The following ANTXR1 variants were observed in gnomAD, a reference collection of about 807,000 sequenced individuals.
The protein encoded by ANTXR1 is ANTXR cell adhesion molecule 1, also known as anthrax toxin receptor 1.
Under a neutral mutation model 78.1 loss-of-function variants are expected in ANTXR1, and 19 were observed. That is an observed-to-expected ratio of 0.24 (90% CI 0.17 to 0.36). ANTXR1 has a LOEUF of 0.36. ANTXR1 is among the 10% of genes least tolerant of loss of function. The pLI, the probability that ANTXR1 is intolerant of heterozygous loss-of-function variation, is 1.00. For synonymous variants in ANTXR1, 273 were observed against 260.5 expected, an observed-to-expected ratio of 1.05 and a Z score of -0.46; for missense variants, 518 against 718.6, an observed-to-expected ratio of 0.72 and a Z score of 3.19.
intron 12 of ANTXR1, among the ~76,000 whole-genome samples, chr2:69,148,597 T>C (rs1385858583): frequency 6.6e-6 from 1 of 152,218 alleles, no homozygotes; most frequent in African/African-American, 2.4e-5. Context: ...TTAATGAGAA[T>C]TAAATGAGTT....
intron 3 of ANTXR1, among the ~76,000 whole-genome samples, chr2:69,052,921 C>T (rs1436286419): frequency 6.6e-6 from 1 of 152,104 alleles, no homozygotes; most frequent in East Asian, 1.9e-4. Context: ...TTTCAATTGA[C>T]AATATCTTTC....
intron 2 of ANTXR1, among the ~76,000 whole-genome samples, chr2:69,041,213 A>G (rs1234296444): frequency 6.6e-6 from 1 of 152,224 alleles, no homozygotes; most frequent in Non-Finnish European, 1.5e-5. Flanking sequence ...TGAAAGGATC[A>G]TAGAAACTAG....
intron 17 of ANTXR1, among the ~76,000 whole-genome samples, chr2:69,221,011 G>T (rs1427744210): frequency 6.6e-6 from 1 of 152,220 alleles, no homozygotes; most frequent in Non-Finnish European, 1.5e-5. Flanking sequence ...AGAGGAGATG[G>T]ATGGAATGCC....
chr2:69,027,397 A>AG (rs1671377528), intron 1 of ANTXR1, among the ~76,000 whole-genome samples: 2 of 152,214 alleles, frequency 1.3e-5, no homozygotes, highest in African/African-American at 2.4e-5. Context: ...GCCAGGCCAA[A>AG]GCATCCCCTA....
chr2:69,044,131 C>T (rs1017187153), intron 2 of ANTXR1, among the ~76,000 whole-genome samples: 1 of 152,136 alleles, frequency 6.6e-6, no homozygotes, highest in African/African-American at 2.4e-5. Flanking sequence ...ATATAAAAAC[C>T]ATGCCAATTT....
chr2:69,093,100 GGCTCCTTGAAGACA>G (rs2104289508), intron 9 of ANTXR1, among the ~76,000 whole-genome samples: 1 of 152,182 alleles, frequency 6.6e-6, no homozygotes, highest in South Asian at 2.1e-4. Flanking sequence ...CCTTCCTGTA[GGCTCCTTGAAGACA>G]GAGAAGGAAA....
intron 16 of ANTXR1, among the ~76,000 whole-genome samples, chr2:69,188,597 CAAATG>C (rs895969477): frequency 1.2e-4 from 18 of 152,304 alleles, no homozygotes; most frequent in African/African-American, 4.3e-4. Context: ...TTGTCAACTT[CAAATG>C]AAAGAAAGCT....
intron 12 of ANTXR1, among the ~76,000 whole-genome samples, chr2:69,127,378 C>A (rs527916262): frequency 6.6e-6 from 1 of 152,116 alleles, no homozygotes; most frequent in African/African-American, 2.4e-5. Context: ...GCCAGCGATC[C>A]TTGGTGTTCA....
intron 1 of ANTXR1, among the ~76,000 whole-genome samples, chr2:69,029,938 T>A (rs1671478344): frequency 6.6e-6 from 1 of 152,102 alleles, no homozygotes; most frequent in South Asian, 2.1e-4. Context: ...AAATGAAAAA[T>A]GTAAAATTTT....
intron 12 of ANTXR1, among the ~76,000 whole-genome samples, chr2:69,135,938 G>C (rs979378087): frequency 2.6e-5 from 4 of 152,064 alleles, no homozygotes; most frequent in African/African-American, 9.7e-5. Context: ...TTTTGGTTGC[G>C]TACAATGAAG....
intron 7 of ANTXR1, among the ~76,000 whole-genome samples, chr2:69,076,110 G>A (rs1670723494): frequency 6.6e-6 from 1 of 151,970 alleles, no homozygotes; most frequent in Admixed American, 6.6e-5. Context: ...GAATAGCTGG[G>A]ACTACAGACA....
At chr2:69,161,353 G>A (rs1673677776) in intron 13 of ANTXR1, among the ~76,000 whole-genome samples, 1 of 152,212 alleles carries the variant, frequency 6.6e-6, no homozygotes, top group Admixed American at 6.5e-5. Flanking sequence ...AGGGAGATGA[G>A]ATGAGAGACC....
chr2:69,158,065 G>C (rs1475529363), intron 13 of ANTXR1, among the ~76,000 whole-genome samples: 1 of 152,148 alleles, frequency 6.6e-6, no homozygotes, highest in Non-Finnish European at 1.5e-5. Flanking sequence ...TGATCATGCT[G>C]TGAAAATTGC....
intron 6 of ANTXR1, 122 bp downstream of exon 6, chr2:69,073,223 G>C (rs1670625143): frequency 1.2e-6 from 1 of 815,700 alleles, no homozygotes; most frequent in South Asian, 1.4e-5. Context: ...GAATGAAATA[G>C]AGTTTCATAA....
At chr2:69,168,461 G>T (rs2104449376) in intron 13 of ANTXR1, among the ~76,000 whole-genome samples, 1 of 152,312 alleles carries the variant, frequency 6.6e-6, no homozygotes, top group South Asian at 2.1e-4. Flanking sequence ...GCTGTGCTTA[G>T]CTCATAGCAC....
At chr2:69,016,515 T>C (rs1671030740) in intron 1 of ANTXR1, among the ~76,000 whole-genome samples, 1 of 152,228 alleles carries the variant, frequency 6.6e-6, no homozygotes, top group Non-Finnish European at 1.5e-5. Context: ...GTATGATATG[T>C]GTATAGTATT....
At chr2:69,138,803 G>A (rs886220865) in intron 12 of ANTXR1, among the ~76,000 whole-genome samples, 4 of 152,172 alleles carry the variant, frequency 2.6e-5, no homozygotes, top group Admixed American at 2.0e-4. Flanking sequence ...ATATTACTGA[G>A]TTTCTTTTCA....
chr2:69,170,658 G>A (rs1029672613), intron 14 of ANTXR1, among the ~76,000 whole-genome samples: 21 of 152,300 alleles, frequency 1.4e-4, no homozygotes, highest in East Asian at 1.2e-3. Flanking sequence ...AATGCTTTAT[G>A]TGTGTAGATC....
chr2:69,165,869 A>G (rs2104446619), intron 13 of ANTXR1, among the ~76,000 whole-genome samples: 1 of 152,366 alleles, frequency 6.6e-6, no homozygotes, highest in East Asian at 1.9e-4. Flanking sequence ...AAAGAAAAGC[A>G]AAATAAACTC....
Sources: gnomAD v4.1 joint callset for allele counts (sites outside exome capture counted in the v4.1 genomes callset) on GRCh38, gnomAD v4.1.1 for gene constraint, MANE v1.5 for transcripts, NCBI Gene and HGNC (gene_info 2026-07-23, HGNC 2026-07-21) for gene names.